Variants in PSMB1 observed in about 807,000 individuals in gnomAD.
The protein encoded by PSMB1 is proteasome 20S subunit beta 1, also known as proteasome subunit beta type-1.
In PSMB1, 7 loss-of-function variants were observed where a neutral mutation model predicts 25.4. The ratio of observed to expected loss-of-function variants is 0.28; its 90% confidence interval spans 0.16 to 0.52. The LOEUF is 0.52. PSMB1 is among the 20% of genes least tolerant of loss of function. The probability of loss-of-function intolerance (pLI) is 0.97; values close to 1 mark genes in which losing one functional copy is unlikely to be tolerated. For missense variants in PSMB1, 284 were observed against 302.2 expected (o/e 0.94, Z 0.45); for synonymous variants, 119 against 115.0 (o/e 1.03, Z -0.22).
chr6:170,547,267 G>A (rs1317350441), intron 2 of PSMB1, among the ~76,000 whole-genome samples: 2 of 152,048 alleles, frequency 1.3e-5, no homozygotes, highest in Middle Eastern at 3.4e-3. Flanking sequence ...GTATGCAAAG[G>A]GATGCTCTAG....
Position 170,543,743 on chromosome 6 carries a change from A to G in PSMB1, c.304-13T>C. The G allele has an allele frequency of 1.2e-6, 2 of 1,602,706 alleles. No homozygotes were observed. The highest frequency in any genetic ancestry group is 1.7e-6 in the Non-Finnish European group (2 of 1,174,668). On this transcript the variant is annotated splice_polypyrimidine_tract_variant and intron_variant, in intron 3 of 5. Coordinates refer to ENST00000262193, the MANE Select transcript of PSMB1 (RefSeq NM_002793.4). The stretch of plus-strand genomic sequence containing the variant: ...AATGCTTATACATCTGCAATTATTG[A>G]TAAAAGTCACAGGCATGTAGAGGCA...
rs1778943078 is a variant in PSMB1, at chr6:170,553,262, A to T, written c.-20T>A. 5 of 1,558,954 alleles carry T rather than the reference A, an allele frequency of 3.2e-6. No individual in the cohort carries two copies. Among genetic ancestry groups the T allele is most frequent in the Non-Finnish European group, 4.4e-6 (5 of 1,136,042 alleles). On this transcript the variant is annotated 5_prime_UTR_variant, in exon 1 of 6. Coordinates refer to ENST00000262193, the MANE Select transcript of PSMB1 (RefSeq NM_002793.4). ...CAACATCGCACGGCTGCGCCTGCGG[A>T]TCCGACACTTGCTGTCTCACGGCGA... is the stretch of plus-strand genomic sequence containing the variant.
intron 4 of PSMB1, among the ~76,000 whole-genome samples, chr6:170,538,671 C>A (rs756694474): frequency 1.1e-4 from 17 of 152,154 alleles, no homozygotes; most frequent in African/African-American, 2.4e-5. Context: ...TGCACTCCAG[C>A]CTGGGCAACA....
chr6:170,551,666 G>A lies in PSMB1; in HGVS notation c.113+1464C>T, dbSNP rs1778904205. 2.0e-5 allele frequency among the ~76,000 whole-genome samples: 3 copies of A among 152,136 alleles called. No individual in the cohort carries two copies. In the South Asian group the frequency reaches 6.2e-4, roughly 31 times the overall value. The stretch of plus-strand genomic sequence containing the variant: ...CTCCCTACAATATACAACTTAATTA[G>A]TCATCACAGGAAGTGTTAAGGTGTA... On this transcript the variant is annotated intron_variant, in intron 1 of 5. Coordinates refer to ENST00000262193, the MANE Select transcript of PSMB1 (RefSeq NM_002793.4).
At chr6:170,552,758 A>G (rs912171185) in intron 1 of PSMB1, among the ~76,000 whole-genome samples, 18 of 152,216 alleles carry the variant, frequency 1.2e-4, no homozygotes, top group Non-Finnish European at 2.5e-4. Flanking sequence ...AAACGTGTAC[A>G]TGAGGTCCAG....
At chr6:170,537,383 C>T (rs1175010751) in intron 4 of PSMB1, 43 bp from the exon 5 acceptor site, 1 of 1,477,392 alleles carries the variant, frequency 6.8e-7, no homozygotes, top group Non-Finnish European at 9.4e-7. Flanking sequence ...TATCCAATCA[C>T]AATCCCAAAT....
chr6:170,539,725 C>G (rs1488014104), intron 4 of PSMB1, among the ~76,000 whole-genome samples: 2 of 152,106 alleles, frequency 1.3e-5, no homozygotes, highest in African/African-American at 4.8e-5. Context: ...ACTTCAACTA[C>G]TCGAAGTTTA....
chr6:170,535,835 C>T (rs1374046960), intron 5 of PSMB1, among the ~76,000 whole-genome samples: 5 of 152,010 alleles, frequency 3.3e-5, no homozygotes, highest in Non-Finnish European at 7.4e-5. Context: ...AGATGTGGGA[C>T]GGAGTTAGGA....
chr6:170,544,584 T>A (rs1019221105), intron 3 of PSMB1, among the ~76,000 whole-genome samples: 2 of 152,162 alleles, frequency 1.3e-5, no homozygotes, highest in African/African-American at 4.8e-5. Flanking sequence ...GCATAGTGGC[T>A]CACACCTGTA....
intron 2 of PSMB1, among the ~76,000 whole-genome samples, chr6:170,547,986 T>C (rs1401660439): frequency 1.3e-5 from 2 of 151,848 alleles, no homozygotes; most frequent in African/African-American, 2.4e-5. Context: ...AAAGTTGTTT[T>C]AAAATCTTAT....
In PSMB1 at chr6:170,543,684, G is replaced by A. The variant is rs2114978181; in HGVS notation, c.350C>T (p.Ala117Val). 6.2e-7 allele frequency: 1 copy of A among 1,612,472 alleles called. No individual in the cohort carries two copies. The highest frequency in any genetic ancestry group is 1.1e-5 in the South Asian group (1 of 90,978). ...ATACAGGATTGTAGACAGCATTGCA[G>A]CAATTGCCCCCGTAGTCATGGCCTT... The part of the protein sequence containing the change: ...NNKAMTTGAI[A>V]AMLSTILYSR... The change falls in exon 4 of 6, where the codon GCT becomes GTT. Residue 117 changes from alanine (A) to valine (V), a missense_variant. Coordinates refer to ENST00000262193, the MANE Select transcript of PSMB1 (RefSeq NM_002793.4).
intron 1 of PSMB1, among the ~76,000 whole-genome samples, chr6:170,552,518 T>TAA (rs5881875): frequency 6.7e-6 from 1 of 149,632 alleles, no homozygotes; most frequent in African/African-American, 2.4e-5. Context: ...AGCTAAACGT[T>TAA]AAAAAAAAAA....
At chr6:170,536,845 C>G (rs742348) in intron 5 of PSMB1, among the ~76,000 whole-genome samples, 83,259 of 151,878 alleles carry the variant, frequency 0.55, 23,314 homozygotes, top group East Asian at 0.79. Context: ...TTGTTCAAGG[C>G]TCAACTGTAT....
rs779689624 is a variant in PSMB1 at position 170,544,084 on chromosome 6, AC to A, written c.304-355del. On this transcript the variant is annotated intron_variant, in intron 3 of 5. Transcript: ENST00000262193. ...CATATAGACCAGGGGTCAACAAACT[AC>A]CCCTGTAGTTTGGCTCAGGGGCCAA... Among the ~76,000 whole-genome samples the A allele has an allele frequency of 1.9e-4, 29 of 151,930 alleles. No homozygotes were observed. In the Middle Eastern group the frequency reaches 0.01, roughly 53 times the overall value.
chr6:170,546,766 C>T (rs549455817), intron 2 of PSMB1, among the ~76,000 whole-genome samples: 1 of 152,126 alleles, frequency 6.6e-6, no homozygotes, highest in Admixed American at 6.5e-5. Flanking sequence ...CACCCAGCCT[C>T]GTGAAGGTAG....
intron 4 of PSMB1, among the ~76,000 whole-genome samples, chr6:170,543,266 A>C (rs2114977888): frequency 6.6e-6 from 1 of 152,296 alleles, no homozygotes; most frequent in African/African-American, 2.4e-5. Context: ...TTTGTTAATA[A>C]AAAAATTTTC....
At chr6:170,548,981 A>C in intron 2 of PSMB1, 25 bp downstream of exon 2, 2 of 1,485,084 alleles carry the variant, frequency 1.3e-6, no homozygotes, top group Non-Finnish European at 1.9e-6. Flanking sequence ...GGCATTGTGA[A>C]ATGTCTTTAG....
intron 2 of PSMB1, 140 bp downstream of exon 2, chr6:170,548,866 C>T (rs1778856554): frequency 1.5e-6 from 1 of 652,936 alleles, no homozygotes; most frequent in African/African-American, 1.8e-5. Context: ...GAAACATTAA[C>T]TTAGAAAATG....
chr6:170,544,523 A>G (rs1388695233), intron 3 of PSMB1, among the ~76,000 whole-genome samples: 2 of 152,172 alleles, frequency 1.3e-5, no homozygotes, highest in African/African-American at 2.4e-5. Context: ...AAGATCACCA[A>G]TTTTTGTTAA....
Sources: allele counts gnomAD v4.1 joint callset (sites outside exome capture counted in the v4.1 genomes callset), GRCh38; gene constraint gnomAD v4.1.1; transcripts MANE v1.5; gene names NCBI Gene and HGNC (gene_info 2026-07-23, HGNC 2026-07-21).